Variants in CPNE4 observed in about 807,000 individuals in gnomAD.
The protein encoded by CPNE4 is copine 4, also known as copine-4.
CPNE4 carries 25 observed loss-of-function variants against 67.9 expected under a neutral mutation model. The ratio of observed to expected loss-of-function variants is 0.37; its 90% confidence interval spans 0.27 to 0.51. The LOEUF (loss-of-function observed/expected upper bound fraction) is 0.51. Among genes scored for constraint, CPNE4 ranks in the 20% least tolerant of loss-of-function variants. CPNE4 has a pLI of 0.93. For synonymous variants in CPNE4, 242 were observed against 244.9 expected (o/e 0.99, Z 0.11); for missense variants, 464 against 690.8 (o/e 0.67, Z 3.68).
intron 1 of CPNE4, among the ~76,000 whole-genome samples, chr3:131,958,640 T>TTTC (rs2072061054): frequency 1.1e-5 from 1 of 88,604 alleles, no homozygotes; most frequent in East Asian, 3.5e-4. Flanking sequence ...TTTTTTTTTT[T>TTTC]TTGAGACAGA....
intron 2 of CPNE4, among the ~76,000 whole-genome samples, chr3:131,740,125 G>T (rs1172642345): frequency 6.6e-6 from 1 of 152,176 alleles, no homozygotes; most frequent in East Asian, 1.9e-4. Flanking sequence ...TGGGATATAA[G>T]GCACTAAGGC....
intron 7 of CPNE4, among the ~76,000 whole-genome samples, chr3:131,602,982 T>G (rs1013202771): frequency 6.6e-6 from 1 of 152,318 alleles, no homozygotes; most frequent in Non-Finnish European, 1.5e-5. Context: ...ACTTTTAACA[T>G]CTGATGAAGC....
intron 2 of CPNE4, 154 bp from the exon 3 acceptor site, chr3:131,723,779 A>G: frequency 1.7e-6 from 1 of 599,180 alleles, no homozygotes; most frequent in East Asian, 2.8e-5. Context: ...AAGTACAGGC[A>G]ATACCTTCAG....
At chr3:131,706,512 C>T (rs1230278376) in intron 3 of CPNE4, among the ~76,000 whole-genome samples, 1 of 152,102 alleles carries the variant, frequency 6.6e-6, no homozygotes, top group East Asian at 1.9e-4. Flanking sequence ...GCCCCCTGAC[C>T]ATCTGAATGG....
chr3:131,993,471 G>GTAA (rs1442097686), intron 1 of CPNE4, among the ~76,000 whole-genome samples: 1 of 6,418 alleles, frequency 1.6e-4, no homozygotes, highest in Non-Finnish European at 3.6e-4. Flanking sequence ...TGCAGGAGTG[G>GTAA]CAAAAAAAAA....
At chr3:131,988,865 T>C (rs1277143494) in intron 1 of CPNE4, among the ~76,000 whole-genome samples, 1 of 152,242 alleles carries the variant, frequency 6.6e-6, no homozygotes, top group Non-Finnish European at 1.5e-5. Flanking sequence ...CACATAAACC[T>C]GGATCACTGT....
chr3:131,930,241 A>C (rs1351980075), intron 1 of CPNE4, among the ~76,000 whole-genome samples: 1 of 152,150 alleles, frequency 6.6e-6, no homozygotes, highest in African/African-American at 2.4e-5. Context: ...GATACAGCAG[A>C]CCATCAAGGG....
chr3:131,769,049 T>G (rs536699704), intron 2 of CPNE4, among the ~76,000 whole-genome samples: 52 of 152,320 alleles, frequency 3.4e-4, no homozygotes, highest in African/African-American at 5.8e-4. Flanking sequence ...TCATTCCAGC[T>G]TGGGTTCATC....
intron 2 of CPNE4, among the ~76,000 whole-genome samples, chr3:131,863,878 T>C (rs1471215363): frequency 7.9e-5 from 12 of 152,256 alleles, no homozygotes; most frequent in Admixed American, 7.9e-4. Context: ...GAATTAATTT[T>C]TGTATAAGGT....
intron 7 of CPNE4, among the ~76,000 whole-genome samples, chr3:131,625,967 G>T (rs1389365083): frequency 6.6e-6 from 1 of 152,076 alleles, no homozygotes; most frequent in Non-Finnish European, 1.5e-5. Flanking sequence ...ACCTATTATG[G>T]TGATCTGTGA....
At chr3:131,694,972 G>A (rs1560128840) in intron 5 of CPNE4, among the ~76,000 whole-genome samples, 1 of 152,298 alleles carries the variant, frequency 6.6e-6, no homozygotes, top group Middle Eastern at 3.4e-3. Context: ...TGTTTACCAT[G>A]CAGCAATAGA....
chr3:131,616,758 C>A (rs926227111), intron 7 of CPNE4, among the ~76,000 whole-genome samples: 2 of 152,098 alleles, frequency 1.3e-5, no homozygotes, highest in African/African-American at 2.4e-5. Context: ...ACTGAAGGCA[C>A]ATAAAAATGC....
chr3:131,879,375 G>A (rs531112808), intron 2 of CPNE4, among the ~76,000 whole-genome samples: 67 of 152,208 alleles, frequency 4.4e-4, no homozygotes, highest in Non-Finnish European at 7.2e-4. Flanking sequence ...ATCTCAACAC[G>A]TAAAAGAAGC....
At chr3:131,556,278 G>A (rs950959071) in intron 11 of CPNE4, among the ~76,000 whole-genome samples, 1 of 152,012 alleles carries the variant, frequency 6.6e-6, no homozygotes, top group Non-Finnish European at 1.5e-5. Flanking sequence ...GGAGGCTGAG[G>A]CATAAGAGAA....
chr3:131,555,397 A>G, intron 12 of CPNE4, 100 bp downstream of exon 12: 2 of 993,726 alleles, frequency 2.0e-6, no homozygotes, highest in South Asian at 1.4e-5. Flanking sequence ...CTACTGACAC[A>G]GTTAGGTCAG....
At chr3:131,537,454 T>C (rs1325304557) in intron 15 of CPNE4, 1 of 160,122 alleles carries the variant, frequency 6.2e-6, no homozygotes, top group Non-Finnish European at 1.4e-5. Flanking sequence ...CAGCTAATTT[T>C]ATATTTTTAG....
intron 2 of CPNE4, among the ~76,000 whole-genome samples, chr3:131,873,358 G>T (rs968428411): frequency 6.6e-6 from 1 of 152,052 alleles, no homozygotes; most frequent in African/African-American, 2.4e-5. Flanking sequence ...TGATATGGTG[G>T]GGATGGAAAT....
chr3:131,896,459 T>C (rs2088341630), intron 2 of CPNE4, among the ~76,000 whole-genome samples: 1 of 151,940 alleles, frequency 6.6e-6, no homozygotes, highest in African/African-American at 2.4e-5. Context: ...AGATGAGAAA[T>C]TGAAGTGCAA....
intron 6 of CPNE4, among the ~76,000 whole-genome samples, chr3:131,671,182 C>G (rs946332183): frequency 8.5e-5 from 13 of 152,208 alleles, no homozygotes; most frequent in Middle Eastern, 3.4e-3. Context: ...TAACTAGATC[C>G]TAGACTCATT....
Sources: allele counts gnomAD v4.1 joint callset (sites outside exome capture counted in the v4.1 genomes callset), GRCh38; gene constraint gnomAD v4.1.1; transcripts MANE v1.5; gene names NCBI Gene and HGNC (gene_info 2026-07-23, HGNC 2026-07-21).